GALNT13: variants seen among roughly 807,000 people sequenced by gnomAD.
The protein encoded by GALNT13 is polypeptide N-acetylgalactosaminyltransferase 13, also known as UDP-GalNAc:polypeptide N-acetylgalactosaminyltransferase 13.
Under a neutral mutation model 64.2 loss-of-function variants are expected in GALNT13, and 28 were observed. The ratio of observed to expected loss-of-function variants is 0.44; its 90% CI spans 0.32 to 0.60. The LOEUF (loss-of-function observed/expected upper bound fraction) is 0.60. Ranked by LOEUF, GALNT13 falls within the 20% of genes least tolerant of loss-of-function variation. The pLI is 0.05. For missense variants in GALNT13, 577 were observed against 669.8 expected, an observed-to-expected ratio of 0.86 and a Z score of 1.53; for synonymous variants, 214 against 224.6, an observed-to-expected ratio of 0.95 and a Z score of 0.42.
the GALNT13 span, among the ~76,000 whole-genome samples, chr2:153,078,965 G>A: frequency 6.6e-6 from 1 of 152,078 alleles, no homozygotes; most frequent in Non-Finnish European, 1.5e-5. Flanking sequence ...GTCATATATG[G>A]TTAATAGTTT....
chr2:153,859,201 G>C, the GALNT13 span, among the ~76,000 whole-genome samples: 2 of 152,210 alleles, frequency 1.3e-5, no homozygotes, highest in African/African-American at 4.8e-5. Flanking sequence ...ATTTGGCAAA[G>C]TAGGTTCAAT....
the GALNT13 span, chr2:153,337,582 T>C: frequency 6.6e-6 from 1 of 152,240 alleles, no homozygotes; most frequent in Admixed American, 6.5e-5. Context: ...TCTCAGACTT[T>C]GGTATGACAG....
chr2:153,434,099 A>G, the GALNT13 span, among the ~76,000 whole-genome samples: 1 of 151,944 alleles, frequency 6.6e-6, no homozygotes, highest in South Asian at 2.1e-4. Context: ...TTGTCCTGGC[A>G]ATAGTTTGCT....
chr2:153,331,842 C>T, the GALNT13 span, among the ~76,000 whole-genome samples: 1 of 152,078 alleles, frequency 6.6e-6, no homozygotes, highest in South Asian at 2.1e-4. Context: ...ATTACTGATT[C>T]AATTTCAGGA....
the GALNT13 span, among the ~76,000 whole-genome samples, chr2:153,811,690 G>A: frequency 6.6e-6 from 1 of 152,136 alleles, no homozygotes; most frequent in Non-Finnish European, 1.5e-5. Context: ...TTCCACCCTT[G>A]TGGCTCCTTA....
chr2:153,631,371 G>C, the GALNT13 span, among the ~76,000 whole-genome samples: 9 of 152,060 alleles, frequency 5.9e-5, no homozygotes, highest in Non-Finnish European at 2.9e-5. Context: ...TTCTAGATCT[G>C]TGAGGAATCA....
At chr2:153,810,742 T>A in the GALNT13 span, among the ~76,000 whole-genome samples, 3 of 152,214 alleles carry the variant, frequency 2.0e-5, no homozygotes, top group African/African-American at 4.8e-5. Context: ...TGGTAGTCTT[T>A]TATTAAATCA....
chr2:154,099,808 T>A (rs1231548081), intron 3 of GALNT13, among the ~76,000 whole-genome samples: 1 of 152,022 alleles, frequency 6.6e-6, no homozygotes. Context: ...AGCATGATGA[T>A]TCATGCCTGT....
intron 9 of GALNT13, among the ~76,000 whole-genome samples, chr2:154,390,749 T>C (rs543899097): frequency 6.6e-6 from 1 of 152,350 alleles, no homozygotes; most frequent in Admixed American, 6.5e-5. Context: ...TAAAATACTC[T>C]TTTGTTGGTA....
the GALNT13 span, among the ~76,000 whole-genome samples, chr2:153,747,080 G>A: frequency 2.0e-5 from 3 of 151,668 alleles, no homozygotes; most frequent in African/African-American, 4.8e-5. Flanking sequence ...TTTAATCTTC[G>A]TGGGTTCATA....
intron 3 of GALNT13, among the ~76,000 whole-genome samples, chr2:154,126,045 A>G (rs1452895250): frequency 1.3e-5 from 2 of 152,134 alleles, no homozygotes; most frequent in South Asian, 2.1e-4. Context: ...AGCCAAAACA[A>G]TAGTAAGTTG....
chr2:153,485,971 CTG>C, the GALNT13 span, among the ~76,000 whole-genome samples: 1 of 152,164 alleles, frequency 6.6e-6, no homozygotes, highest in Non-Finnish European at 1.5e-5. Flanking sequence ...GAGTCTTTCT[CTG>C]TCACCCAGAG....
the GALNT13 span, among the ~76,000 whole-genome samples, chr2:153,136,618 G>T: frequency 1.3e-5 from 2 of 152,064 alleles, no homozygotes; most frequent in Non-Finnish European, 2.9e-5. Context: ...GTAGGTTTCT[G>T]ACAGTGGCAG....
intron 4 of GALNT13, among the ~76,000 whole-genome samples, chr2:154,161,013 T>C (rs1038335440): frequency 2.0e-5 from 3 of 152,206 alleles, no homozygotes; most frequent in Non-Finnish European, 2.9e-5. Context: ...TTCTTATCTC[T>C]ATGCTTACCA....
intron 9 of GALNT13, among the ~76,000 whole-genome samples, chr2:154,350,345 A>G (rs1267136799): frequency 2.0e-5 from 3 of 152,184 alleles, no homozygotes; most frequent in African/African-American, 7.2e-5. Context: ...AGAACGTGGA[A>G]GGACTAGACT....
At chr2:153,913,201 T>A (rs888793203) in intron 2 of GALNT13, among the ~76,000 whole-genome samples, 4 of 152,128 alleles carry the variant, frequency 2.6e-5, no homozygotes, top group Non-Finnish European at 2.9e-5. Flanking sequence ...GGCAGCAGTG[T>A]CAGTGCAAGT....
At chr2:154,022,689 A>G (rs926576231) in intron 3 of GALNT13, among the ~76,000 whole-genome samples, 13 of 152,070 alleles carry the variant, frequency 8.5e-5, no homozygotes, top group African/African-American at 2.4e-4. Flanking sequence ...TTGTGTCTCT[A>G]TTTCCTTCAG....
At chr2:153,551,541 T>C in the GALNT13 span, among the ~76,000 whole-genome samples, 1 of 152,104 alleles carries the variant, frequency 6.6e-6, no homozygotes, top group African/African-American at 2.4e-5. Context: ...GTAGTGGCAA[T>C]GGTGATAGTA....
At chr2:153,874,103 GT>G (rs10545017) in intron 1 of GALNT13, among the ~76,000 whole-genome samples, 47,524 of 122,182 alleles carry the variant, frequency 0.39, 7,880 homozygotes, top group Admixed American at 0.48. Context: ...CGCAATCTCT[GT>G]TTTTTTTTTT....
Sources: gnomAD v4.1 joint callset for allele counts (sites outside exome capture counted in the v4.1 genomes callset) on GRCh38, gnomAD v4.1.1 for gene constraint, MANE v1.5 for transcripts, NCBI Gene and HGNC (gene_info 2026-07-23, HGNC 2026-07-21) for gene names.